The following ZCCHC7 variants were observed in gnomAD, a reference collection of about 807,000 sequenced individuals.
ZCCHC7 encodes zinc finger CCHC domain-containing protein 7.
ZCCHC7 carries 35 observed loss-of-function variants against 52.0 expected under a neutral mutation model. The observed-to-expected ratio is 0.67, with a 90% CI of 0.51 to 0.89. The LOEUF is 0.89. ZCCHC7 is among the 40% of genes least tolerant of loss of function. The pLI is 0.00. For synonymous variants in ZCCHC7, 217 were observed against 221.5 expected, an observed-to-expected ratio of 0.98 and a Z score of 0.18; for missense variants, 574 against 649.1, an observed-to-expected ratio of 0.88 and a Z score of 1.26.
At chr9:37,316,959 T>C (rs2117925283) in intron 5 of ZCCHC7, among the ~76,000 whole-genome samples, 1 of 151,844 alleles carries the variant, frequency 6.6e-6, no homozygotes, top group East Asian at 1.9e-4. Context: ...TAATCAGAGA[T>C]GTCTCCAAAT....
intron 2 of ZCCHC7, among the ~76,000 whole-genome samples, chr9:37,295,548 T>C (rs1010951039): frequency 6.6e-6 from 1 of 152,188 alleles, no homozygotes. Context: ...TAAGTGGTCC[T>C]GAGCTAAAAT....
chr9:37,240,688 T>C (rs1825836639), intron 2 of ZCCHC7, among the ~76,000 whole-genome samples: 1 of 151,928 alleles, frequency 6.6e-6, no homozygotes, highest in Non-Finnish European at 1.5e-5. Flanking sequence ...CTTCAATTCC[T>C]AAGATAAAGG....
At chr9:37,238,594 T>G (rs1003606151) in intron 2 of ZCCHC7, among the ~76,000 whole-genome samples, 1 of 152,170 alleles carries the variant, frequency 6.6e-6, no homozygotes, top group African/African-American at 2.4e-5. Context: ...GATGTCCACT[T>G]TTTTAAAAAA....
chr9:37,352,666 G>A (rs1426175967), intron 7 of ZCCHC7, among the ~76,000 whole-genome samples: 1 of 150,582 alleles, frequency 6.6e-6, no homozygotes, highest in Non-Finnish European at 1.5e-5. Context: ...ACAGGCATGT[G>A]CCACCACACC....
At chr9:37,321,059 G>T (rs1210382166) in intron 5 of ZCCHC7, among the ~76,000 whole-genome samples, 1 of 148,740 alleles carries the variant, frequency 6.7e-6, no homozygotes, top group African/African-American at 2.5e-5. Context: ...CGTAATCTCG[G>T]CTCACTGCAA....
rs774009083 is a variant in ZCCHC7, at chr9:37,258,900, T to TACAATC, written c.611-43288_611-43287insACAATC. On this transcript the variant is annotated intron_variant, in intron 2 of 8. Coordinates refer to ENST00000336755, the MANE Select transcript of ZCCHC7 (RefSeq NM_032226.3). The stretch of plus-strand genomic sequence containing the variant: ...GCTTTTAAGATCAGGATTGTAGGAT[T>TACAATC]GTAGCACAGAAGTTAAAGAAAAGTG... Among the ~76,000 whole-genome samples, 21 of 151,886 alleles carry TACAATC rather than the reference T, an allele frequency of 1.4e-4. 1 individual carries two copies. In the South Asian group the frequency reaches 4.4e-3, roughly 32 times the overall value.
At chr9:37,258,757 TA>T (rs5897683) in intron 2 of ZCCHC7, among the ~76,000 whole-genome samples, 6,754 of 55,092 alleles carry the variant, frequency 0.12, 210 homozygotes, top group South Asian at 0.2. Flanking sequence ...TCCTGTCTCT[TA>T]AAAAAAAAAA....
intron 6 of ZCCHC7, among the ~76,000 whole-genome samples, chr9:37,340,952 T>G (rs1195884994): frequency 6.6e-6 from 1 of 152,208 alleles, no homozygotes; most frequent in Non-Finnish European, 1.5e-5. Context: ...TGTTGCTATT[T>G]TTATTAGTAA....
rs188074311 is a variant in ZCCHC7 at position 37,222,583 on chromosome 9, T to C, written c.611-79605T>C. ...CTAGAAGGAAATGTGAGTGAATTAT[T>C]TTATATTTCAAGAGGACTTCCTAAG... On this transcript the variant is annotated intron_variant, in intron 2 of 8. Transcript: ENST00000336755. Among the ~76,000 whole-genome samples, 276 of 152,202 alleles carry C rather than the reference T, an allele frequency of 1.8e-3. 4 individuals are homozygous for C. The highest frequency in any genetic ancestry group is 5.3e-4 in the Non-Finnish European group (36 of 67,982).
At chr9:37,273,057 T>A (rs1027429967) in intron 2 of ZCCHC7, among the ~76,000 whole-genome samples, 12 of 152,264 alleles carry the variant, frequency 7.9e-5, no homozygotes, top group Admixed American at 1.3e-4. Context: ...GCCAACTGCC[T>A]CTGTTTTTAT....
intron 2 of ZCCHC7, among the ~76,000 whole-genome samples, chr9:37,167,237 A>G (rs1821472508): frequency 6.7e-6 from 1 of 148,728 alleles, no homozygotes; most frequent in African/African-American, 2.5e-5. Flanking sequence ...ATGTGTTTTT[A>G]ATACCAGATA....
rs896122632 is a variant in ZCCHC7, at chr9:37,190,866, T to A, written c.610+63924T>A. On this transcript the variant is annotated intron_variant, in intron 2 of 8. Coordinates refer to ENST00000336755, the MANE Select transcript of ZCCHC7 (RefSeq NM_032226.3). ...AAACCCTGTCTCTACTAAAAAAAAA[T>A]ACCAAATTAGCTGGGCGTGGTGGTG... Among the ~76,000 whole-genome samples the A allele has an allele frequency of 1.8e-4, 28 of 151,774 alleles. 1 individual carries two copies. Among genetic ancestry groups the A allele is most frequent in the East Asian group, 1.9e-4 (1 of 5,150 alleles).
At chr9:37,315,372 G>C (rs897732618) in intron 5 of ZCCHC7, among the ~76,000 whole-genome samples, 1 of 151,932 alleles carries the variant, frequency 6.6e-6, no homozygotes, top group African/African-American at 2.4e-5. Context: ...CAGGATTTCA[G>C]TTTAATAGTA....
intron 2 of ZCCHC7, among the ~76,000 whole-genome samples, chr9:37,202,816 T>G (rs1823707632): frequency 6.6e-6 from 1 of 152,250 alleles, no homozygotes; most frequent in African/African-American, 2.4e-5. Context: ...ACCATATGGA[T>G]CCACGTTTGT....
chr9:37,338,332 G>A (rs1809897448), intron 6 of ZCCHC7, among the ~76,000 whole-genome samples: 1 of 152,038 alleles, frequency 6.6e-6, no homozygotes, highest in Non-Finnish European at 1.5e-5. Flanking sequence ...TTCACTATTG[G>A]AAGTTATACC....
At chr9:37,187,297 T>C (rs1822715184) in intron 2 of ZCCHC7, among the ~76,000 whole-genome samples, 1 of 152,222 alleles carries the variant, frequency 6.6e-6, no homozygotes, top group African/African-American at 2.4e-5. Context: ...AGTTTCGAGA[T>C]GAAACTGTTC....
intron 2 of ZCCHC7, among the ~76,000 whole-genome samples, chr9:37,141,885 T>G (rs965198337): frequency 1.3e-5 from 2 of 151,862 alleles, no homozygotes; most frequent in African/African-American, 4.8e-5. Flanking sequence ...GAATTTTGTT[T>G]TATAACATAA....
chr9:37,195,770 T>C (rs891309785), intron 2 of ZCCHC7, among the ~76,000 whole-genome samples: 1 of 152,238 alleles, frequency 6.6e-6, no homozygotes, highest in Admixed American at 6.5e-5. Flanking sequence ...CCTACAAAGC[T>C]CATAATTTAG....
chr9:37,199,686 GTCTT>G (rs755352499), intron 2 of ZCCHC7, among the ~76,000 whole-genome samples: 1 of 149,978 alleles, frequency 6.7e-6, no homozygotes, highest in Non-Finnish European at 1.5e-5. Context: ...CTGTCTGTCT[GTCTT>G]TCTGTCTGTC....
Sources: gnomAD v4.1 joint callset for allele counts (sites outside exome capture counted in the v4.1 genomes callset) on GRCh38, gnomAD v4.1.1 for gene constraint, MANE v1.5 for transcripts, NCBI Gene and HGNC (gene_info 2026-07-23, HGNC 2026-07-21) for gene names.